The following SLC8A1 variants were observed in gnomAD, a reference collection of about 807,000 sequenced individuals.
The protein encoded by SLC8A1 is solute carrier family 8 member A1.
A neutral mutation model predicts 68.3 loss-of-function variants in SLC8A1; 18 were observed. That is an observed-to-expected ratio of 0.26 (90% confidence interval 0.18 to 0.39). The LOEUF (loss-of-function observed/expected upper bound fraction) is 0.39, where lower values mean the gene tolerates loss of function less well. SLC8A1 is among the 10% of genes least tolerant of loss of function. SLC8A1 has a pLI of 1.00. For synonymous variants in SLC8A1, 475 were observed against 415.5 expected, an observed-to-expected ratio of 1.14 and a Z score of -1.74; for missense variants, 985 against 1,156.7, an observed-to-expected ratio of 0.85 and a Z score of 2.15.
At position 40,132,558 on chromosome 2, in the gene SLC8A1, G is replaced by T. The variant is rs138792360; in HGVS notation, c.2437+6843C>A. Among the ~76,000 whole-genome samples the T allele has an allele frequency of 5.3e-3, 805 of 151,712 alleles. 4 individuals are homozygous for T. The highest frequency in any genetic ancestry group is 0.018 in the African/African-American group (747 of 41,362). On this transcript the variant is annotated intron_variant, in intron 7 of 7. Transcript: ENST00000406785. ...GTAAAGCGACAGGACCCAGTAAATTGTAAAGTACTTGCTGTTTAAGTATTC... is the reference window on the plus strand; with the variant it reads ...GTAAAGCGACAGGACCCAGTAAATTTTAAAGTACTTGCTGTTTAAGTATTC...
chr2:40,472,875 G>A (rs1704071797), intron 1 of SLC8A1, among the ~76,000 whole-genome samples: 1 of 152,166 alleles, frequency 6.6e-6, no homozygotes, highest in South Asian at 2.1e-4. Flanking sequence ...TGATGAAGTA[G>A]AATATACTGA....
intron 2 of SLC8A1, among the ~76,000 whole-genome samples, chr2:40,405,721 T>C (rs888966810): frequency 6.6e-6 from 1 of 152,224 alleles, no homozygotes; most frequent in African/African-American, 2.4e-5. Context: ...TGAGTTCCAG[T>C]GTTTATGCTT....
chr2:40,248,225 G>A (rs2062169566), intron 2 of SLC8A1, among the ~76,000 whole-genome samples: 1 of 152,162 alleles, frequency 6.6e-6, no homozygotes, highest in African/African-American at 2.4e-5. Context: ...GTTTTCTACA[G>A]TGATTTGAAA....
intron 2 of SLC8A1, among the ~76,000 whole-genome samples, chr2:40,266,477 A>T (rs1255516757): frequency 6.6e-6 from 1 of 152,188 alleles, no homozygotes; most frequent in Non-Finnish European, 1.5e-5. Context: ...GAGATAGAGT[A>T]GAGACTATTC....
At chr2:40,424,189 T>C (rs912924635) in intron 2 of SLC8A1, among the ~76,000 whole-genome samples, 3 of 151,910 alleles carry the variant, frequency 2.0e-5, no homozygotes, top group Non-Finnish European at 4.4e-5. Flanking sequence ...CTAATATTTT[T>C]CATCATTTCT....
chr2:40,364,516 T>TG (rs144249586), intron 2 of SLC8A1, among the ~76,000 whole-genome samples: 6,078 of 151,644 alleles, frequency 0.04, 144 homozygotes, highest in African/African-American at 0.057. Flanking sequence ...ATCCTTTTTT[T>TG]TTGTTGTTGT....
rs145707869 is a variant in SLC8A1, at chr2:40,326,340, C to T, written c.1808+102133G>A. 2.6e-5 allele frequency among the ~76,000 whole-genome samples: 4 copies of T among 152,006 alleles called. No homozygotes were observed. In the East Asian group the frequency reaches 7.8e-4, roughly 29 times the overall value. ...TAAATCAAGAGAACAGATCTCCTGG[C>T]CAAGACCACCTCATAATATAGATTA... is the stretch of plus-strand genomic sequence containing the variant. On this transcript the variant is annotated intron_variant, in intron 2 of 7. Coordinates refer to ENST00000406785, the Ensembl canonical transcript of SLC8A1.
intron 2 of SLC8A1, among the ~76,000 whole-genome samples, chr2:40,323,173 C>A (rs777033884): frequency 1.3e-5 from 2 of 152,114 alleles, no homozygotes; most frequent in Non-Finnish European, 1.5e-5. Context: ...GTGTCTTTAT[C>A]ATAGAAAAAT....
intron 1 of SLC8A1, among the ~76,000 whole-genome samples, chr2:40,442,761 C>T (rs542875013): frequency 2.6e-5 from 4 of 152,098 alleles, no homozygotes; most frequent in Non-Finnish European, 5.9e-5. Context: ...TGAGTAAATA[C>T]CCAAAGGAAC....
chr2:40,471,203 C>T (rs1015485373), intron 1 of SLC8A1, among the ~76,000 whole-genome samples: 1 of 152,156 alleles, frequency 6.6e-6, no homozygotes, highest in Non-Finnish European at 1.5e-5. Flanking sequence ...GTATTGATAA[C>T]TTTATTTTAT....
chr2:40,430,274 T>G (rs747307904), exon 2 of SLC8A1: 3 of 1,606,550 alleles, frequency 1.9e-6, no homozygotes, highest in Non-Finnish European at 1.7e-6. Context: ...CGCCGCATGT[T>G]GTACATGACA....
At chr2:40,350,763 C>A (rs1176562494) in intron 2 of SLC8A1, among the ~76,000 whole-genome samples, 1 of 152,046 alleles carries the variant, frequency 6.6e-6, no homozygotes, top group African/African-American at 2.4e-5. Context: ...CGTCACTAAT[C>A]TATGGAGTAT....
At chr2:40,175,566 G>C (rs2048333338) in intron 3 of SLC8A1, among the ~76,000 whole-genome samples, 1 of 151,914 alleles carries the variant, frequency 6.6e-6, no homozygotes, top group Non-Finnish European at 1.5e-5. Flanking sequence ...CATTTAATAA[G>C]ACATTGCTAG....
chr2:40,274,976 T>TG (rs1428109047), intron 2 of SLC8A1, among the ~76,000 whole-genome samples: 1 of 152,216 alleles, frequency 6.6e-6, no homozygotes, highest in East Asian at 1.9e-4. Context: ...AGCAGTAGGT[T>TG]GACTAGGAAA....
intron 7 of SLC8A1, among the ~76,000 whole-genome samples, chr2:40,125,782 C>G (rs1187254744): frequency 6.6e-6 from 1 of 152,110 alleles, no homozygotes; most frequent in Non-Finnish European, 1.5e-5. Flanking sequence ...AGGCATAGAG[C>G]TCTACCTAAG....
chr2:40,264,128 T>C (rs1170007765), intron 2 of SLC8A1, among the ~76,000 whole-genome samples: 1 of 151,986 alleles, frequency 6.6e-6, no homozygotes, highest in Non-Finnish European at 1.5e-5. Context: ...ATCAGAGAAA[T>C]GCAAATCAAA....
chr2:40,337,975 G>C (rs144898872), intron 2 of SLC8A1, among the ~76,000 whole-genome samples: 2 of 152,164 alleles, frequency 1.3e-5, no homozygotes, highest in African/African-American at 4.8e-5. Context: ...GGCAGAGAGA[G>C]AGACAGCAAT....
At chr2:40,105,809 G>A (rs1265609878) in exon 8 of SLC8A1, 1 of 152,226 alleles carries the variant, frequency 6.6e-6, no homozygotes, top group Non-Finnish European at 1.5e-5. Context: ...GGGCTGAGCT[G>A]AGGTTGTGGT....
At chr2:40,419,752 A>G (rs1414481931) in intron 2 of SLC8A1, among the ~76,000 whole-genome samples, 1 of 152,116 alleles carries the variant, frequency 6.6e-6, no homozygotes, top group African/African-American at 2.4e-5. Context: ...ACCCTATGCA[A>G]ATAGGACTTA....
Sources: gnomAD v4.1 joint callset for allele counts (sites outside exome capture counted in the v4.1 genomes callset) on GRCh38, gnomAD v4.1.1 for gene constraint, MANE v1.5 for transcripts, NCBI Gene and HGNC (gene_info 2026-07-23, HGNC 2026-07-21) for gene names.